C7: variants seen among roughly 807,000 people sequenced by gnomAD.
The protein encoded by C7 is complement component C7.
A neutral mutation model predicts 104.8 loss-of-function variants in C7; 83 were observed. The observed-to-expected ratio is 0.79, with a 90% CI of 0.66 to 0.95. The LOEUF (loss-of-function observed/expected upper bound fraction) is 0.95. Ranked by LOEUF, C7 falls within the 40% of genes least tolerant of loss-of-function variation. C7 has a pLI of 0.00. For missense variants in C7, 1,070 were observed against 1,011.2 expected (o/e 1.06, Z -0.79); for synonymous variants, 415 against 360.6 (o/e 1.15, Z -1.71).
chr5:40,961,665 C>T (rs918608045), intron 12 of C7, among the ~76,000 whole-genome samples: 2 of 152,146 alleles, frequency 1.3e-5, no homozygotes, highest in East Asian at 1.9e-4. Flanking sequence ...GGATTACAGG[C>T]GTGAGCTGTC....
intron 6 of C7, among the ~76,000 whole-genome samples, chr5:40,941,590 GA>G (rs916606135): frequency 7.8e-4 from 119 of 152,326 alleles, no homozygotes; most frequent in African/African-American, 2.7e-3. Flanking sequence ...CCAACTGGGG[GA>G]AAGAACCTTG....
rs1346980999 is a variant in C7, at chr5:40,955,332, GT to G, written c.1094-48del. 6 of 1,530,762 alleles carry G rather than the reference GT, an allele frequency of 3.9e-6. No individual in the cohort carries two copies. The South Asian group carries it at 5.0e-5, about 13-fold the overall frequency. 94.8% of individuals were successfully genotyped at this position (1,530,762 alleles called of 1,614,324 possible). A position where few individuals can be genotyped will look rare whatever the true frequency, so the allele number is the denominator to read the frequency against. On this transcript the variant is annotated intron_variant, in intron 9 of 17. Transcript: ENST00000313164. Reference sequence around the variant, plus strand: ...TTCCAGGATGTCATACAATTTGATAGTTTTTTTAAATACTTGATAGACTTTT... The same window carrying G: ...TTCCAGGATGTCATACAATTTGATAGTTTTTTAAATACTTGATAGACTTTT...
chr5:40,952,192 A>G (rs890961018), intron 9 of C7, among the ~76,000 whole-genome samples: 10 of 152,254 alleles, frequency 6.6e-5, no homozygotes, highest in African/African-American at 2.2e-4. Flanking sequence ...GTGATGTACA[A>G]AAATAAACCA....
Position 40,934,480 on chromosome 5 carries a change from C to A in C7, c.280+14C>A. 1 of 1,612,622 alleles carries A rather than the reference C, an allele frequency of 6.2e-7. No individual in the cohort carries two copies. The highest frequency in any genetic ancestry group is 1.7e-5 in the Admixed American group (1 of 59,950). On this transcript the variant is annotated intron_variant, in intron 4 of 17. Coordinates refer to ENST00000313164, the MANE Select transcript of C7 (RefSeq NM_000587.4). ...GGTGCTTTTCAGGTAACTTGTTTTC[C>A]ATAGGCTCAGCATGCAGATTGTAAA...
chr5:40,965,285 T>TG (rs1441160269), intron 14 of C7, among the ~76,000 whole-genome samples: 1 of 152,212 alleles, frequency 6.6e-6, no homozygotes, highest in African/African-American at 2.4e-5. Flanking sequence ...AAAACTACTC[T>TG]GGCTTCCATC....
chr5:40,955,600 T>C, intron 10 of C7, 47 bp downstream of exon 10: 1 of 1,558,324 alleles, frequency 6.4e-7, no homozygotes, highest in Non-Finnish European at 8.7e-7. Flanking sequence ...CATGTTTATT[T>C]GCATGAGGAA....
At chr5:40,944,041 A>G (rs747609562) in intron 6 of C7, among the ~76,000 whole-genome samples, 2 of 151,264 alleles carry the variant, frequency 1.3e-5, no homozygotes, top group Non-Finnish European at 3.0e-5. Context: ...TTTCACAAGC[A>G]TCATTTAGTA....
intron 7 of C7, 138 bp downstream of exon 7, chr5:40,945,506 A>G (rs968934752): frequency 1.1e-5 from 6 of 568,086 alleles, no homozygotes; most frequent in Middle Eastern, 9.2e-4. Flanking sequence ...TTAAGAGTCA[A>G]TGCAATATCT....
At chr5:40,941,839 G>A (rs1739942991) in intron 6 of C7, among the ~76,000 whole-genome samples, 1 of 152,174 alleles carries the variant, frequency 6.6e-6, no homozygotes, top group Non-Finnish European at 1.5e-5. Flanking sequence ...AGGAGAAAGT[G>A]TTTGAGCTGG....
At chr5:40,976,946 T>G (rs1740832366) in intron 16 of C7, 106 bp downstream of exon 16, 2 of 853,776 alleles carry the variant, frequency 2.3e-6, no homozygotes, top group Middle Eastern at 2.5e-4. Context: ...TACCAAGAGT[T>G]AAGGGTCTTT....
intron 8 of C7, among the ~76,000 whole-genome samples, chr5:40,949,360 C>CAAAAA (rs397697540): frequency 7.8e-6 from 1 of 127,818 alleles, no homozygotes; most frequent in Non-Finnish European, 1.7e-5. Flanking sequence ...AATGCATTGG[C>CAAAAA]AAAAAAAAAA....
At chr5:40,943,685 A>ATG (rs571504105) in intron 6 of C7, among the ~76,000 whole-genome samples, 2 of 149,446 alleles carry the variant, frequency 1.3e-5, no homozygotes, top group East Asian at 1.9e-4. Context: ...ATATACATAT[A>ATG]TGTGTGTGTG....
At chr5:40,916,895 A>G (rs1428753247) in intron 1 of C7, among the ~76,000 whole-genome samples, 1 of 151,876 alleles carries the variant, frequency 6.6e-6, no homozygotes, top group African/African-American at 2.4e-5. Context: ...CTTAAAATCT[A>G]CTCTCTTAGG....
At chr5:40,930,127 G>A (rs1428252414) in intron 2 of C7, among the ~76,000 whole-genome samples, 3 of 151,344 alleles carry the variant, frequency 2.0e-5, no homozygotes, top group African/African-American at 7.3e-5. Context: ...CATCAAATGA[G>A]ATATATTGTA....
At position 40,984,580 on chromosome 5, in the gene C7, C is replaced by T. The variant is rs1330621264; in HGVS notation, c.*3007C>T. On this transcript the variant is annotated 3_prime_UTR_variant, in exon 18 of 18. Coordinates refer to ENST00000313164, the MANE Select transcript of C7 (RefSeq NM_000587.4). ...CTTATTATGTGTCCACTTATGTGTC[C>T]AATTAGTAATCACTTTTTCTTTCGG... Among the ~76,000 whole-genome samples the T allele has an allele frequency of 6.6e-6, 1 of 152,124 alleles. No individual in the cohort carries two copies. Among genetic ancestry groups the T allele is most frequent in the Admixed American group, 6.5e-5 (1 of 15,268 alleles).
At chr5:40,979,629 T>A in intron 16 of C7, 96 bp from the exon 17 acceptor site, 1 of 890,294 alleles carries the variant, frequency 1.1e-6, no homozygotes, top group Non-Finnish European at 1.6e-6. Flanking sequence ...TGATAACATC[T>A]GGGGGCACTA....
At position 40,981,475 on chromosome 5, in the gene C7, G is replaced by A. The variant is rs776429213; in HGVS notation, c.2434G>A (p.Glu812Lys). Residue 812 changes from glutamate to lysine, a missense_variant, in exon 18 of 18, where the codon GAG (glutamate) becomes AAG (lysine). Coordinates refer to ENST00000313164, the MANE Select transcript of C7 (RefSeq NM_000587.4). ...FSICVEVNGK[E>K]QTMSECEAGA... ...CATTTGTGTGGAAGTGAACGGCAAG[G>A]AGCAGACGATGTCTGAGTGTGAGGC... 1.2e-6 allele frequency: 2 copies of A among 1,613,796 alleles called. No homozygotes were observed.
chr5:40,965,722 A>G (rs1289600041), intron 14 of C7, among the ~76,000 whole-genome samples: 1 of 150,676 alleles, frequency 6.6e-6, no homozygotes, highest in South Asian at 2.1e-4. Flanking sequence ...GCTCACTGCA[A>G]CCTCCACATC....
At chr5:40,929,644 A>C (rs1739636455) in intron 2 of C7, among the ~76,000 whole-genome samples, 2 of 152,196 alleles carry the variant, frequency 1.3e-5, no homozygotes. Context: ...TTCTTCGTAG[A>C]GCATCATTTT....
Sources: allele counts gnomAD v4.1 joint callset (sites outside exome capture counted in the v4.1 genomes callset), GRCh38; gene constraint gnomAD v4.1.1; transcripts MANE v1.5; gene names NCBI Gene and HGNC (gene_info 2026-07-23, HGNC 2026-07-21).